NF1: variants seen among roughly 807,000 people sequenced by gnomAD.
NF1 encodes neurofibromin 1.
NF1 carries 122 observed loss-of-function variants against 325.7 expected under a neutral mutation model. That is an observed-to-expected ratio of 0.37 (90% CI 0.32 to 0.44). NF1 has a LOEUF of 0.44. Among genes scored for constraint, NF1 ranks in the 20% least tolerant of loss-of-function variants. NF1 has a pLI of 1.00. For missense variants in NF1, 2,140 were observed against 3,415.4 expected (o/e 0.63, Z 9.31); for synonymous variants, 1,091 against 1,186.0 (o/e 0.92, Z 1.65).
At chr17:31,128,747 C>G (rs746374796) in intron 1 of NF1, among the ~76,000 whole-genome samples, 1 of 151,924 alleles carries the variant, frequency 6.6e-6, no homozygotes, top group Non-Finnish European at 1.5e-5. Flanking sequence ...ACCGTGAAAC[C>G]CTGTCTCTAC....
rs531586907 is a variant in NF1, at chr17:31,373,873, C to A, written c.8378-140C>A. The A allele has an allele frequency of 1.4e-5, 15 of 1,040,432 alleles. No individual in the cohort carries two copies. The South Asian group carries it at 1.8e-4, about 13-fold the overall frequency. The allele number at this position is 1,040,432 out of a possible 1,614,324, so 64.5% of individuals were successfully genotyped here. On this transcript the variant is annotated intron_variant, in intron 57 of 57. Transcript: ENST00000358273. Reference sequence around the variant, plus strand: ...TGCTATCTAAGTTCATGTAAGTACACTCCACAATATTTGCACAGACAAAAT... The same window carrying A: ...TGCTATCTAAGTTCATGTAAGTACAATCCACAATATTTGCACAGACAAAAT...
intron 36 of NF1, among the ~76,000 whole-genome samples, chr17:31,279,117 C>A (rs1180052029): frequency 6.6e-6 from 1 of 152,036 alleles, no homozygotes; most frequent in African/African-American, 2.4e-5. Flanking sequence ...TGGTGGCACA[C>A]ACCTGTATAG....
chr17:31,229,525 G>A (rs2067076407), intron 21 of NF1, 60 bp downstream of exon 21: 4 of 1,555,302 alleles, frequency 2.6e-6, no homozygotes, highest in African/African-American at 1.4e-5. Flanking sequence ...TTTGAAATAA[G>A]CCTTTTTCTT....
intron 36 of NF1, among the ~76,000 whole-genome samples, chr17:31,312,854 C>T (rs1464083829): frequency 7.9e-6 from 1 of 126,176 alleles, no homozygotes; most frequent in Non-Finnish European, 1.9e-5. Context: ...ATGTAAAATA[C>T]TCTTTGCAGT....
intron 34 of NF1, among the ~76,000 whole-genome samples, chr17:31,261,420 GAGTCCA>G (rs1484492569): frequency 2.4e-4 from 37 of 152,238 alleles, no homozygotes; most frequent in African/African-American, 3.1e-4. Context: ...AAGGAAGAAT[GAGTCCA>G]AATTATTTTT....
chr17:31,239,596 TAATG>T (rs1409789186), intron 29 of NF1, among the ~76,000 whole-genome samples: 1 of 151,368 alleles, frequency 6.6e-6, no homozygotes, highest in Non-Finnish European at 1.5e-5. Flanking sequence ...AGGAAAAAAA[TAATG>T]AAACGCAAAG....
At chr17:31,125,542 A>G (rs1255854776) in intron 1 of NF1, among the ~76,000 whole-genome samples, 2 of 151,688 alleles carry the variant, frequency 1.3e-5, no homozygotes, top group East Asian at 1.9e-4. Context: ...ATTTTTAATT[A>G]ATTTTTTTTT....
At chr17:31,235,836 G>C (rs2151438277) in intron 28 of NF1, 64 bp downstream of exon 28, 5 of 1,610,788 alleles carry the variant, frequency 3.1e-6, no homozygotes, top group Non-Finnish European at 3.4e-6. Flanking sequence ...ATTATGTACA[G>C]AATGTGCAGG....
chr17:31,289,933 T>G (rs2068314014), intron 36 of NF1, among the ~76,000 whole-genome samples: 1 of 152,146 alleles, frequency 6.6e-6, no homozygotes, highest in African/African-American at 2.4e-5. Context: ...TGCTTGCTAT[T>G]TTAATAGTGA....
chr17:31,105,686 GT>G (rs17885343), intron 1 of NF1, among the ~76,000 whole-genome samples: 1 of 151,970 alleles, frequency 6.6e-6, no homozygotes, highest in African/African-American at 2.4e-5. Flanking sequence ...AGCTGATTTT[GT>G]TTTTTTAGTA....
chr17:31,327,603 C>T lies in NF1; in HGVS notation c.5373C>T (p.Ile1791=), dbSNP rs1597831996. 2 of 1,614,158 alleles carry T rather than the reference C, an allele frequency of 1.2e-6. No homozygotes were observed. Among genetic ancestry groups the T allele is most frequent in the African/African-American group, 2.7e-5 (2 of 75,038 alleles). Residue 1791 remains isoleucine (I), a synonymous_variant, in exon 38 of 58, where the codon ATC becomes ATT. Transcript: ENST00000358273. The part of the protein sequence containing the change: ...DIYYASEIEE[I]CLVDENQFTL... ...ATTATGCTTCGGAAATTGAAGAAAT[C>T]TGCCTAGTAGATGAGAACCAGTTCA...
At chr17:31,276,595 C>T (rs965137283) in intron 36 of NF1, among the ~76,000 whole-genome samples, 1 of 152,158 alleles carries the variant, frequency 6.6e-6, no homozygotes, top group African/African-American at 2.4e-5. Flanking sequence ...AGGTTTTTAG[C>T]TATCTTTGTT....
chr17:31,202,897 C>T (rs915125058), intron 11 of NF1, among the ~76,000 whole-genome samples: 1 of 152,278 alleles, frequency 6.6e-6, no homozygotes, highest in Admixed American at 6.5e-5. Context: ...GATGATTTCT[C>T]CCCTCAAGTT....
chr17:31,317,951 T>A (rs1330928740), intron 36 of NF1: 1 of 215,960 alleles, frequency 4.6e-6, no homozygotes, highest in African/African-American at 2.3e-5. Context: ...CTATTCAAAG[T>A]TTAATTACAT....
intron 1 of NF1, among the ~76,000 whole-genome samples, chr17:31,106,471 TTAAAC>T (rs760555990): frequency 6.6e-6 from 1 of 152,216 alleles, no homozygotes; most frequent in Non-Finnish European, 1.5e-5. Flanking sequence ...ATTAACTGAG[TTAAAC>T]TAGAGTATGG....
intron 1 of NF1, among the ~76,000 whole-genome samples, chr17:31,118,938 C>CTTTTTT (rs35974893): frequency 6.1e-5 from 9 of 146,380 alleles, no homozygotes; most frequent in Non-Finnish European, 4.5e-5. Context: ...GTCTCTCTCT[C>CTTTTTT]TTTTTTTTTT....
chr17:31,275,639 C>G (rs1019280477), intron 36 of NF1, among the ~76,000 whole-genome samples: 2 of 152,164 alleles, frequency 1.3e-5, no homozygotes, highest in African/African-American at 2.4e-5. Context: ...ACATATCCCC[C>G]ACAGTTAAGG....
chr17:31,201,564 C>T, intron 11 of NF1, 79 bp downstream of exon 11: 3 of 1,044,530 alleles, frequency 2.9e-6, no homozygotes, highest in South Asian at 2.7e-5. Context: ...TTAAGAAATG[C>T]ACTCTTGGTT....
chr17:31,317,132 G>C (rs1410479573), intron 36 of NF1, among the ~76,000 whole-genome samples: 1 of 151,998 alleles, frequency 6.6e-6, no homozygotes, highest in Non-Finnish European at 1.5e-5. Flanking sequence ...TTTTAAAATG[G>C]TTACTATATT....
Sources: allele counts gnomAD v4.1 joint callset (sites outside exome capture counted in the v4.1 genomes callset), GRCh38; gene constraint gnomAD v4.1.1; transcripts MANE v1.5; gene names NCBI Gene and HGNC (gene_info 2026-07-23, HGNC 2026-07-21).